Variants in PLEKHM3 observed in about 807,000 individuals in gnomAD.
PLEKHM3 encodes pleckstrin homology domain-containing family M member 3.
Under a neutral mutation model 81.8 loss-of-function variants are expected in PLEKHM3, and 45 were observed. That is an observed-to-expected ratio of 0.55 (90% CI 0.43 to 0.71). The LOEUF is 0.71. PLEKHM3 is among the 30% of genes least tolerant of loss of function. The pLI is 0.00. For synonymous variants in PLEKHM3, 352 were observed against 356.4 expected, an observed-to-expected ratio of 0.99 and a Z score of 0.14; for missense variants, 788 against 924.3, an observed-to-expected ratio of 0.85 and a Z score of 1.91.
At chr2:207,881,154 A>T (rs1015683871) in intron 6 of PLEKHM3, among the ~76,000 whole-genome samples, 1 of 152,168 alleles carries the variant, frequency 6.6e-6, no homozygotes, top group Non-Finnish European at 1.5e-5. Flanking sequence ...AAACCTAAAT[A>T]CCCAATACAA....
intron 3 of PLEKHM3, among the ~76,000 whole-genome samples, chr2:207,972,836 G>GA (rs1301577150): frequency 1.3e-5 from 2 of 152,136 alleles, no homozygotes; most frequent in Non-Finnish European, 2.9e-5. Flanking sequence ...GAAGGATATA[G>GA]AAAATTCTTC....
chr2:207,955,530 A>G (rs1690474568), intron 3 of PLEKHM3, among the ~76,000 whole-genome samples: 1 of 152,236 alleles, frequency 6.6e-6, no homozygotes, highest in Admixed American at 6.5e-5. Context: ...ACACAAACGA[A>G]CATATGTAAA....
intron 4 of PLEKHM3, among the ~76,000 whole-genome samples, chr2:207,945,007 CTCTAT>C (rs1300417542): frequency 6.6e-6 from 1 of 152,192 alleles, no homozygotes; most frequent in Admixed American, 6.5e-5. Flanking sequence ...GTTTCTCTCT[CTCTAT>C]TCTATGTTGA....
chr2:207,839,833 A>G (rs2092340300), intron 7 of PLEKHM3, among the ~76,000 whole-genome samples: 1 of 152,188 alleles, frequency 6.6e-6, no homozygotes, highest in African/African-American at 2.4e-5. Context: ...AGGCTGAAGT[A>G]GGAAGATTGC....
chr2:207,900,638 C>G (rs1186526962), intron 6 of PLEKHM3: 1 of 152,300 alleles, frequency 6.6e-6, no homozygotes, highest in Non-Finnish European at 1.5e-5. Context: ...ATCTGCCTCT[C>G]TCATCAGACT....
intron 1 of PLEKHM3, among the ~76,000 whole-genome samples, chr2:208,011,616 G>A (rs772378048): frequency 2.0e-5 from 3 of 151,910 alleles, no homozygotes; most frequent in Non-Finnish European, 4.4e-5. Context: ...GGGGGACAGG[G>A]TGGGGAGGGG....
At chr2:207,960,689 G>C (rs1690698365) in intron 3 of PLEKHM3, among the ~76,000 whole-genome samples, 1 of 152,330 alleles carries the variant, frequency 6.6e-6, no homozygotes, top group African/African-American at 2.4e-5. Flanking sequence ...GCATGTTGGT[G>C]GGTGACATTA....
chr2:207,918,435 T>G (rs1689068713), intron 5 of PLEKHM3, among the ~76,000 whole-genome samples: 1 of 152,082 alleles, frequency 6.6e-6, no homozygotes, highest in African/African-American at 2.4e-5. Context: ...GGCAGGAGAA[T>G]GGCATGAACC....
At chr2:208,014,332 T>A (rs1692801662) in intron 1 of PLEKHM3, among the ~76,000 whole-genome samples, 1 of 152,196 alleles carries the variant, frequency 6.6e-6, no homozygotes, top group Admixed American at 6.5e-5. Flanking sequence ...GAAAAGCTTA[T>A]AAGGTATGAA....
At position 207,825,439 on chromosome 2, in the gene PLEKHM3, C is replaced by T. The variant is rs912878081; in HGVS notation, c.*2880G>A. On this transcript the variant is annotated 3_prime_UTR_variant, in exon 8 of 8. Coordinates refer to ENST00000427836, the MANE Select transcript of PLEKHM3 (RefSeq NM_001080475.3). ...TTAATATGGGATGAAAAATGGAACA[C>T]GAGGAAAAGCAGGTATTAGTTTGGT... is the stretch of plus-strand genomic sequence containing the variant. 2.0e-5 allele frequency: 3 copies of T among 152,076 alleles called. No homozygotes were observed. The highest frequency in any genetic ancestry group is 1.9e-4 in the East Asian group (1 of 5,194). The allele number at this position is 152,076 out of a possible 1,614,324, so 9.4% of individuals were successfully genotyped here.
chr2:207,986,148 T>G (rs1574470094), intron 2 of PLEKHM3, among the ~76,000 whole-genome samples: 1 of 152,322 alleles, frequency 6.6e-6, no homozygotes, highest in Non-Finnish European at 1.5e-5. Context: ...AAAGACAAAG[T>G]GCAACATTTT....
In PLEKHM3 at chr2:207,824,364, A is replaced by G. The variant is rs1480194657; in HGVS notation, c.*3955T>C. On this transcript the variant is annotated 3_prime_UTR_variant, in exon 8 of 8. Coordinates refer to ENST00000427836, the MANE Select transcript of PLEKHM3 (RefSeq NM_001080475.3). ...AACCCCTGTGTTGAAACCAGGCAGT[A>G]TTGGAATCAGGAGGTGAAGATCTGT... 6.6e-6 allele frequency: 1 copy of G among 152,246 alleles called. No individual in the cohort carries two copies. Among genetic ancestry groups the G allele is most frequent in the East Asian group, 1.9e-4 (1 of 5,208 alleles). 9.4% of individuals were successfully genotyped at this position (152,246 alleles called of 1,614,324 possible).
At chr2:207,883,407 A>G (rs778387591) in intron 6 of PLEKHM3, among the ~76,000 whole-genome samples, 5 of 152,220 alleles carry the variant, frequency 3.3e-5, no homozygotes, top group Non-Finnish European at 7.3e-5. Context: ...CAAACTGGTA[A>G]ACTGCATTAA....
chr2:207,986,095 C>A lies in PLEKHM3; in HGVS notation c.611-8509G>T, dbSNP rs146434393. Among the ~76,000 whole-genome samples the A allele has an allele frequency of 2.2e-4, 34 of 151,966 alleles. 1 individual carries two copies. The East Asian group carries it at 6.0e-3, about 27-fold the overall frequency. Reference sequence around the variant, plus strand: ...TGCCCGGGTCAGAATAATGAATGAACCCACAGGAATAGGATTCTGAAGATC... The same window carrying A: ...TGCCCGGGTCAGAATAATGAATGAAACCACAGGAATAGGATTCTGAAGATC... On this transcript the variant is annotated intron_variant, in intron 2 of 7. Transcript: ENST00000427836.
intron 6 of PLEKHM3, among the ~76,000 whole-genome samples, chr2:207,902,129 G>A (rs1207997439): frequency 1.3e-5 from 2 of 152,146 alleles, no homozygotes; most frequent in Non-Finnish European, 2.9e-5. Flanking sequence ...GCACTGAGGC[G>A]CTGTGTTCCT....
At chr2:207,869,546 T>C (rs1188771881) in intron 6 of PLEKHM3, among the ~76,000 whole-genome samples, 1 of 152,188 alleles carries the variant, frequency 6.6e-6, no homozygotes, top group Admixed American at 6.5e-5. Context: ...ATATGACTAT[T>C]TCAGAGGTGT....
chr2:207,871,358 G>C (rs1574355346), intron 6 of PLEKHM3, among the ~76,000 whole-genome samples: 1 of 152,248 alleles, frequency 6.6e-6, no homozygotes, highest in East Asian at 1.9e-4. Context: ...GGTGGATTGT[G>C]ATGCCACCAA....
intron 3 of PLEKHM3, among the ~76,000 whole-genome samples, chr2:207,961,126 T>TA (rs1690716479): frequency 6.6e-6 from 1 of 152,234 alleles, no homozygotes; most frequent in South Asian, 2.1e-4. Context: ...GACCAAGCTC[T>TA]TGTGCTCCTA....
chr2:207,855,679 A>C (rs992834704), intron 7 of PLEKHM3, among the ~76,000 whole-genome samples: 1 of 151,964 alleles, frequency 6.6e-6, no homozygotes, highest in Non-Finnish European at 1.5e-5. Flanking sequence ...CACTACCTCT[A>C]TGGCCTTCCT....
Sources: gnomAD v4.1 joint callset for allele counts (sites outside exome capture counted in the v4.1 genomes callset) on GRCh38, gnomAD v4.1.1 for gene constraint, MANE v1.5 for transcripts, NCBI Gene and HGNC (gene_info 2026-07-23, HGNC 2026-07-21) for gene names.